The following PCDH7 variants were observed in gnomAD, a reference collection of about 807,000 sequenced individuals.
PCDH7 encodes protocadherin-7.
In PCDH7, 17 loss-of-function variants were observed where a neutral mutation model predicts 58.9. The ratio of observed to expected loss-of-function variants is 0.29; its 90% CI spans 0.20 to 0.43. The LOEUF is 0.43. Ranked by LOEUF, PCDH7 falls within the 20% of genes least tolerant of loss-of-function variation. The pLI, the probability that PCDH7 is intolerant of heterozygous loss-of-function variation, is 1.00. For synonymous variants in PCDH7, 664 were observed against 616.4 expected, an observed-to-expected ratio of 1.08 and a Z score of -1.14; for missense variants, 1,274 against 1,441.0, an observed-to-expected ratio of 0.88 and a Z score of 1.88.
At chr4:31,010,759 G>A (rs971724281) in intron 3 of PCDH7, among the ~76,000 whole-genome samples, 4 of 151,830 alleles carry the variant, frequency 2.6e-5, no homozygotes, top group Non-Finnish European at 4.4e-5. Context: ...GTAGGAGCAT[G>A]TTTAACCAGA....
chr4:30,950,503 G>A lies in PCDH7; in HGVS notation c.*7+288G>A, dbSNP rs1387457169. On this transcript the variant is annotated intron_variant, in intron 3 of 3. Coordinates refer to the PCDH7 transcript ENST00000509759. ...AATATGTATAAAATAAATGGAACTTGTATGTATGAATATGCCACTTTCAAC... is the reference window on the plus strand; with the variant it reads ...AATATGTATAAAATAAATGGAACTTATATGTATGAATATGCCACTTTCAAC... 3.3e-5 allele frequency among the ~76,000 whole-genome samples: 5 copies of A among 152,242 alleles called. No individual in the cohort carries two copies. In the East Asian group the frequency reaches 9.6e-4, roughly 29 times the overall value.
chr4:30,826,880 C>T (rs1323767099), intron 1 of PCDH7, among the ~76,000 whole-genome samples: 1 of 152,068 alleles, frequency 6.6e-6, no homozygotes, highest in Non-Finnish European at 1.5e-5. Flanking sequence ...CGCACACCAC[C>T]ATGCCCAGCT....
intron 1 of PCDH7, among the ~76,000 whole-genome samples, chr4:30,777,394 A>G (rs950700932): frequency 5.3e-5 from 8 of 152,208 alleles, no homozygotes; most frequent in African/African-American, 1.7e-4. Flanking sequence ...GAATCCTGTA[A>G]TACATACATT....
chr4:31,026,156 C>T (rs965006679), intron 3 of PCDH7, among the ~76,000 whole-genome samples: 2 of 152,204 alleles, frequency 1.3e-5, no homozygotes, highest in African/African-American at 4.8e-5. Context: ...TTATCAATAA[C>T]TCATTAACCT....
intron 3 of PCDH7, among the ~76,000 whole-genome samples, chr4:31,024,970 T>A (rs1754312915): frequency 6.6e-6 from 1 of 152,188 alleles, no homozygotes; most frequent in African/African-American, 2.4e-5. Flanking sequence ...CTCGAACTCC[T>A]GACCTCAGGT....
At chr4:30,907,741 C>T (rs1741158839) in intron 1 of PCDH7, among the ~76,000 whole-genome samples, 1 of 152,146 alleles carries the variant, frequency 6.6e-6, no homozygotes, top group South Asian at 2.1e-4. Flanking sequence ...ACAGCAATCC[C>T]ATTATTGGGC....
chr4:30,862,087 T>A (rs562153750), intron 1 of PCDH7, among the ~76,000 whole-genome samples: 2 of 152,264 alleles, frequency 1.3e-5, no homozygotes, highest in Admixed American at 1.3e-4. Context: ...GAGGTCAAGA[T>A]CAAGGTTGTA....
At chr4:31,054,455 A>G (rs75755505) in intron 3 of PCDH7, among the ~76,000 whole-genome samples, 2,866 of 152,300 alleles carry the variant, frequency 0.019, 83 homozygotes, top group African/African-American at 0.065. Context: ...CAAAAAATAC[A>G]AACTAACCTC....
exon 2 of PCDH7, chr4:30,731,410 G>C (rs1444319632): frequency 6.6e-6 from 1 of 151,728 alleles, no homozygotes; most frequent in Non-Finnish European, 1.5e-5. Flanking sequence ...TAAAAATATT[G>C]TCTGTAAAAC....
At chr4:31,048,006 A>C (rs551262600) in intron 3 of PCDH7, among the ~76,000 whole-genome samples, 6 of 152,172 alleles carry the variant, frequency 3.9e-5, no homozygotes, top group Admixed American at 1.3e-4. Flanking sequence ...ATGGTTGCAT[A>C]GTAGTTATAC....
intron 1 of PCDH7, among the ~76,000 whole-genome samples, chr4:30,760,273 C>G (rs2109267970): frequency 6.6e-6 from 1 of 152,276 alleles, no homozygotes; most frequent in East Asian, 1.9e-4. Context: ...TCTTGTGCTG[C>G]TCAAAACACT....
chr4:31,046,859 T>A (rs1756336649), intron 3 of PCDH7, among the ~76,000 whole-genome samples: 1 of 152,052 alleles, frequency 6.6e-6, no homozygotes, highest in African/African-American at 2.4e-5. Flanking sequence ...GTTATAATTT[T>A]CAGTTTGCAC....
intron 3 of PCDH7, among the ~76,000 whole-genome samples, chr4:31,039,870 A>G (rs1339272206): frequency 6.6e-6 from 1 of 152,166 alleles, no homozygotes; most frequent in Admixed American, 6.5e-5. Flanking sequence ...AGGTAAATTT[A>G]ATTAATACCA....
chr4:31,128,983 G>T (rs958807466), intron 3 of PCDH7, among the ~76,000 whole-genome samples: 2 of 152,160 alleles, frequency 1.3e-5, no homozygotes, highest in African/African-American at 4.8e-5. Flanking sequence ...TTGCATTTAG[G>T]ATTAACAGAT....
At chr4:30,892,706 G>A (rs772829267) in intron 1 of PCDH7, among the ~76,000 whole-genome samples, 1 of 151,988 alleles carries the variant, frequency 6.6e-6, no homozygotes, top group Non-Finnish European at 1.5e-5. Flanking sequence ...ATGAATGATG[G>A]CATAATAATA....
At chr4:30,820,002 C>T (rs1029245343) in intron 1 of PCDH7, among the ~76,000 whole-genome samples, 2 of 151,934 alleles carry the variant, frequency 1.3e-5, no homozygotes, top group African/African-American at 4.8e-5. Flanking sequence ...AAGTCATTGA[C>T]CAGAACAATT....
chr4:31,057,012 A>G lies in PCDH7; in HGVS notation c.*8-85461A>G, dbSNP rs147793434. On this transcript the variant is annotated intron_variant, in intron 3 of 3. Coordinates refer to the PCDH7 transcript ENST00000509759. ...GATTTGTTTATTTTTAGAAAATTTC[A>G]GTGTTTAGGAAAAAATGCGTTATTA... Among the ~76,000 whole-genome samples, 967 of 152,302 alleles carry G rather than the reference A, an allele frequency of 6.3e-3. 11 individuals are homozygous for G. Among genetic ancestry groups the G allele is most frequent in the Non-Finnish European group, 9.5e-3 (648 of 68,018 alleles).
chr4:30,752,991 G>A (rs181462071), intron 1 of PCDH7, among the ~76,000 whole-genome samples: 204 of 152,146 alleles, frequency 1.3e-3, no homozygotes, highest in African/African-American at 4.6e-3. Flanking sequence ...ATTTGAACTT[G>A]GTGTCATGGA....
rs187321419 is a variant in PCDH7 at position 31,141,081 on chromosome 4, G to C, written c.*8-1392G>C. Among the ~76,000 whole-genome samples, 20 of 152,338 alleles carry C rather than the reference G, an allele frequency of 1.3e-4. No individual in the cohort carries two copies. In the East Asian group the frequency reaches 3.5e-3, roughly 26 times the overall value. On this transcript the variant is annotated intron_variant, in intron 3 of 3. Transcript: ENST00000509759. ...AAAAAATGACAAACATTAGTGGCGA[G>C]CCTTCATTTAGGAGATTTAGCCAAG...
Sources: gnomAD v4.1 joint callset for allele counts (sites outside exome capture counted in the v4.1 genomes callset) on GRCh38, gnomAD v4.1.1 for gene constraint, MANE v1.5 for transcripts, NCBI Gene and HGNC (gene_info 2026-07-23, HGNC 2026-07-21) for gene names.